PDE6G: variants seen among roughly 807,000 people sequenced by gnomAD.
The protein encoded by PDE6G is rod cGMP 3',5'-cyclic phosphodiesterase subunit gamma.
A neutral mutation model predicts 10.9 loss-of-function variants in PDE6G; 10 were observed. That is an observed-to-expected ratio of 0.91 (90% confidence interval 0.56 to 1.55). The LOEUF is 1.55. Ranked by LOEUF, PDE6G falls within the 40% of genes most tolerant of loss-of-function variation. The pLI, the probability that PDE6G is intolerant of heterozygous loss-of-function variation, is 0.00. For synonymous variants in PDE6G, 41 were observed against 42.8 expected, an observed-to-expected ratio of 0.96 and a Z score of 0.16; for missense variants, 102 against 110.1, an observed-to-expected ratio of 0.93 and a Z score of 0.33.
intron 1 of PDE6G, among the ~76,000 whole-genome samples, chr17:81,662,413 A>G (rs959813323): frequency 2.0e-5 from 3 of 152,196 alleles, no homozygotes; most frequent in African/African-American, 7.2e-5. Context: ...GCTTGAGGTC[A>G]GGAGTTGGAG....
chr17:81,651,175 C>A lies in PDE6G; in HGVS notation c.188-25G>T. On this transcript the variant is annotated intron_variant, in intron 3 of 3. Transcript: ENST00000331056. The surrounding 1 kb of genome is among the most constrained non-coding windows in gnomAD (Gnocchi z 4.8). ...TCTGTGGGAGAAACGGGCCACGGAT[C>A]AGAGAGGATCCCACGGCCTAGGGAC... is the stretch of plus-strand genomic sequence containing the variant. The A allele has an allele frequency of 6.4e-7, 1 of 1,573,130 alleles. No individual in the cohort carries two copies. The highest frequency in any genetic ancestry group is 8.8e-7 in the Non-Finnish European group (1 of 1,142,828).
chr17:81,658,011 G>A (rs565938539), upstream of PDE6G, among the ~76,000 whole-genome samples: 1 of 151,712 alleles, frequency 6.6e-6, no homozygotes, highest in African/African-American at 2.4e-5. Context: ...AGACCAGCCT[G>A]GACAACATAG....
chr17:81,662,571 C>T (rs548314029), intron 1 of PDE6G, among the ~76,000 whole-genome samples: 4 of 151,514 alleles, frequency 2.6e-5, no homozygotes, highest in African/African-American at 7.3e-5. Flanking sequence ...TGTGGTGAGC[C>T]GAGATCGCGC....
At chr17:81,652,104 G>A (rs1324723597) in intron 2 of PDE6G, among the ~76,000 whole-genome samples, 3 of 152,062 alleles carry the variant, frequency 2.0e-5, no homozygotes, top group East Asian at 3.9e-4. Flanking sequence ...GTGCGCACAC[G>A]TGTGAGTGGA....
chr17:81,658,994 G>A (rs2036483818), upstream of PDE6G, among the ~76,000 whole-genome samples: 1 of 152,034 alleles, frequency 6.6e-6, no homozygotes, highest in Non-Finnish European at 1.5e-5. Flanking sequence ...AGCCTTGATT[G>A]TAAAACTCTA....
chr17:81,652,304 T>C (rs2036370923), intron 2 of PDE6G, among the ~76,000 whole-genome samples: 1 of 152,088 alleles, frequency 6.6e-6, no homozygotes, highest in African/African-American at 2.4e-5. Context: ...TGAGACGGAG[T>C]CTCACTCTGT....
chr17:81,662,281 T>A (rs556374535), intron 1 of PDE6G, among the ~76,000 whole-genome samples: 1 of 152,030 alleles, frequency 6.6e-6, no homozygotes, highest in East Asian at 1.9e-4. Flanking sequence ...AAAGAACTCA[T>A]CCCTGTAACC....
chr17:81,659,578 G>A (rs190536763), upstream of PDE6G, among the ~76,000 whole-genome samples: 65 of 152,032 alleles, frequency 4.3e-4, no homozygotes, highest in Middle Eastern at 0.01. Flanking sequence ...CAACCTGGGC[G>A]ACAGAGGAAG....
intron 1 of PDE6G, among the ~76,000 whole-genome samples, chr17:81,662,077 C>A (rs991648727): frequency 3.3e-5 from 5 of 151,978 alleles, no homozygotes; most frequent in African/African-American, 4.8e-5. Flanking sequence ...GAAGCCCCCT[C>A]CCTTCAAGTT....
At chr17:81,657,932 G>A (rs918684393), upstream of PDE6G, among the ~76,000 whole-genome samples, 3 of 151,378 alleles carry the variant, frequency 2.0e-5, no homozygotes, top group Admixed American at 6.6e-5. Flanking sequence ...TAACTCGGCC[G>A]GGAGCAGTGG....
chr17:81,656,364 G>A (rs2036446624), intron 1 of PDE6G, 129 bp downstream of exon 1: 1 of 656,816 alleles, frequency 1.5e-6, no homozygotes, highest in Non-Finnish European at 2.8e-6. Flanking sequence ...GGCATCTGCA[G>A]ACCCAGACCT....
chr17:81,658,645 A>G (rs896259650), upstream of PDE6G, among the ~76,000 whole-genome samples: 1 of 151,946 alleles, frequency 6.6e-6, no homozygotes, highest in Non-Finnish European at 1.5e-5. Context: ...GTTCAAGACC[A>G]GCCTGGCCAA....
At chr17:81,652,678 C>T (rs555523247) in intron 2 of PDE6G, among the ~76,000 whole-genome samples, 33 of 151,978 alleles carry the variant, frequency 2.2e-4, no homozygotes, top group African/African-American at 7.5e-4. Context: ...TGGATTCAAG[C>T]GATTCTCCTG....
At position 81,653,353 on chromosome 17, in the gene PDE6G, TC is replaced by T. The variant is rs757974683; in HGVS notation, c.-49del. The T allele has an allele frequency of 1.9e-6, 3 of 1,601,888 alleles. No individual in the cohort carries two copies. In the African/African-American group the frequency reaches 4.0e-5, roughly 21 times the overall value. Reference sequence around the variant, plus strand: ...CGGCAACCTTGGCTCCTGGACTCCCTCCTGCTGCGGTCTGGGGGCAGACCAG... The same window carrying T: ...CGGCAACCTTGGCTCCTGGACTCCCTCTGCTGCGGTCTGGGGGCAGACCAG... On this transcript the variant is annotated 5_prime_UTR_variant, in exon 2 of 4. Transcript: ENST00000331056. The surrounding 1 kb of genome is among the most constrained non-coding windows in gnomAD (Gnocchi z 5.2).
chr17:81,651,830 C>T lies in PDE6G; in HGVS notation c.147-145G>A, dbSNP rs769489406. 2.1e-5 allele frequency: 18 copies of T among 854,376 alleles called. No individual in the cohort carries two copies. The highest frequency in any genetic ancestry group is 3.1e-5 in the Non-Finnish European group (16 of 521,122). The allele number at this position is 854,376 out of a possible 1,614,324, so 52.9% of individuals were successfully genotyped here. On this transcript the variant is annotated intron_variant, in intron 2 of 3. Transcript: ENST00000331056. The surrounding 1 kb of genome is among the most constrained non-coding windows in gnomAD (Gnocchi z 4.8). ...CAGAGACCCGCCTCCTCCCCAACCT[C>T]CCAGGGCTTGGCGCATCTGAGGAGG...
At chr17:81,652,802 GATCCTA>G (rs1260647075) in intron 2 of PDE6G, among the ~76,000 whole-genome samples, 5 of 45,878 alleles carry the variant, frequency 1.1e-4, no homozygotes, top group African/African-American at 6.2e-4. Context: ...TCAAACTCGC[GATCCTA>G]GGGGGCTACT....
rs1418151157 is a variant in PDE6G, at chr17:81,650,717, C to G, written c.*357G>C. Reference sequence around the variant, plus strand: ...CTCTGGGGAGACCTGCCCTAGCTTTCCAGCTGGGAGGAGGGGACGATCTGG... The same window carrying G: ...CTCTGGGGAGACCTGCCCTAGCTTTGCAGCTGGGAGGAGGGGACGATCTGG... On this transcript the variant is annotated 3_prime_UTR_variant, in exon 4 of 4. Transcript: ENST00000331056. 2 of 459,672 alleles carry G rather than the reference C, an allele frequency of 4.4e-6. No individual in the cohort carries two copies. Among genetic ancestry groups the G allele is most frequent in the South Asian group, 3.1e-5 (2 of 64,128 alleles). 28.5% of individuals were successfully genotyped at this position (459,672 alleles called of 1,614,324 possible). A position where few individuals can be genotyped will look rare whatever the true frequency, so the allele number is the denominator to read the frequency against.
rs934620085 is a variant in PDE6G at position 81,653,830 on chromosome 17, G to A, written c.-59-466C>T. 3.1e-5 allele frequency: 5 copies of A among 162,318 alleles called. No homozygotes were observed. The highest frequency in any genetic ancestry group is 1.6e-4 in the South Asian group (1 of 6,120). 10.1% of individuals were successfully genotyped at this position (162,318 alleles called of 1,614,324 possible). On this transcript the variant is annotated intron_variant, in intron 1 of 3. Transcript: ENST00000331056. This position sits in a 1 kb window ranked among gnomAD's most constrained non-coding sequence, Gnocchi z 5.2. ...TTTTTTTGTTTTGTTTTGTTTTTGAGACAGAGTTTTGCTCTTGTTGCCTGG... is the reference window on the plus strand; with the variant it reads ...TTTTTTTGTTTTGTTTTGTTTTTGAAACAGAGTTTTGCTCTTGTTGCCTGG...
At position 81,650,720 on chromosome 17, in the gene PDE6G, G is replaced by T. The variant is rs1407781341; in HGVS notation, c.*354C>A. ...TGGGGAGACCTGCCCTAGCTTTCCA[G>T]CTGGGAGGAGGGGACGATCTGGGGT... is the stretch of plus-strand genomic sequence containing the variant. On this transcript the variant is annotated 3_prime_UTR_variant, in exon 4 of 4. Transcript: ENST00000331056. 8.7e-6 allele frequency: 4 copies of T among 460,874 alleles called. No homozygotes were observed. The East Asian group carries it at 1.9e-4, about 22-fold the overall frequency. The allele number at this position is 460,874 out of a possible 1,614,324, so 28.5% of individuals were successfully genotyped here.
Sources: gnomAD v4.1 joint callset for allele counts (sites outside exome capture counted in the v4.1 genomes callset) on GRCh38, gnomAD v4.1.1 for gene constraint, Gnocchi (gnomAD v3.1) non-coding constraint, MANE v1.5 for transcripts, NCBI Gene and HGNC (gene_info 2026-07-23, HGNC 2026-07-21) for gene names.